FHIP1A: variants seen among roughly 807,000 people sequenced by gnomAD.
FHIP1A encodes FHF complex subunit HOOK interacting protein 1A.
FHIP1A carries 61 observed loss-of-function variants against 88.6 expected under a neutral mutation model. The observed-to-expected ratio is 0.69, with a 90% CI of 0.56 to 0.85. The LOEUF is 0.85. Ranked by LOEUF, FHIP1A falls within the 40% of genes least tolerant of loss-of-function variation. FHIP1A has a pLI of 0.00. For missense variants in FHIP1A, 1,154 were observed against 1,273.5 expected (o/e 0.91, Z 1.43); for synonymous variants, 478 against 496.0 (o/e 0.96, Z 0.48).
chr4:151,637,164 C>T (rs1005055686), intron 8 of FHIP1A, among the ~76,000 whole-genome samples: 1 of 152,006 alleles, frequency 6.6e-6, no homozygotes, highest in South Asian at 2.1e-4. Flanking sequence ...CAAAAATTAA[C>T]TCAAAATGGA....
intron 3 of FHIP1A, among the ~76,000 whole-genome samples, chr4:151,525,916 G>C (rs1315803341): frequency 1.3e-5 from 2 of 151,912 alleles, no homozygotes; most frequent in Non-Finnish European, 2.9e-5. Flanking sequence ...CTTCCGCAGT[G>C]TTTGTGTCCC....
chr4:151,488,877 C>T (rs994843114), intron 3 of FHIP1A, among the ~76,000 whole-genome samples: 5 of 152,178 alleles, frequency 3.3e-5, no homozygotes, highest in African/African-American at 1.2e-4. Flanking sequence ...ATTCTACATG[C>T]TTCCTACTTT....
intron 2 of FHIP1A, among the ~76,000 whole-genome samples, chr4:151,468,058 G>A (rs1343264186): frequency 6.6e-6 from 1 of 151,362 alleles, no homozygotes; most frequent in Non-Finnish European, 1.5e-5. Flanking sequence ...GCCGAGGAGG[G>A]CGGATCACGA....
intron 3 of FHIP1A, among the ~76,000 whole-genome samples, chr4:151,531,222 G>A (rs1413026358): frequency 6.6e-6 from 1 of 151,592 alleles, no homozygotes; most frequent in Admixed American, 6.6e-5. Context: ...CATCTGCTTG[G>A]TCATAATTAG....
At chr4:151,610,610 A>G (rs1405158640) in intron 7 of FHIP1A, among the ~76,000 whole-genome samples, 2 of 152,188 alleles carry the variant, frequency 1.3e-5, no homozygotes, top group African/African-American at 4.8e-5. Context: ...GCCATTTGCT[A>G]TACCCTGAGT....
chr4:151,492,833 C>A (rs773375455), intron 3 of FHIP1A, among the ~76,000 whole-genome samples: 1 of 152,004 alleles, frequency 6.6e-6, no homozygotes, highest in Non-Finnish European at 1.5e-5. Flanking sequence ...ACAGCAAAAG[C>A]GATGCTAAGA....
chr4:151,537,640 C>T (rs1184636907), intron 3 of FHIP1A, among the ~76,000 whole-genome samples: 1 of 152,130 alleles, frequency 6.6e-6, no homozygotes, highest in Non-Finnish European at 1.5e-5. Flanking sequence ...ACAGATTGTG[C>T]TTGTGGTGTC....
At chr4:151,610,499 T>A (rs571118446) in intron 7 of FHIP1A, among the ~76,000 whole-genome samples, 60 of 152,250 alleles carry the variant, frequency 3.9e-4, no homozygotes, top group Middle Eastern at 3.4e-3. Flanking sequence ...AACTCAGAGG[T>A]GTAGACTTGG....
rs1271205626 is a variant in FHIP1A, at chr4:151,666,669, C to T, written c.*3915C>T. 2.0e-5 allele frequency among the ~76,000 whole-genome samples: 3 copies of T among 152,108 alleles called. No individual in the cohort carries two copies. The highest frequency in any genetic ancestry group is 4.8e-5 in the African/African-American group (2 of 41,408). ...GTCTCCAAATCAGCTTGGCTGTGGCCGTCATGTGGACTGATTCCCAGGTCT... is the reference window on the plus strand; with the variant it reads ...GTCTCCAAATCAGCTTGGCTGTGGCTGTCATGTGGACTGATTCCCAGGTCT... On this transcript the variant is annotated 3_prime_UTR_variant, in exon 14 of 14. Coordinates refer to ENST00000435205, the MANE Select transcript of FHIP1A (RefSeq NM_001109977.3).
At chr4:151,512,377 C>T (rs1264198903) in intron 3 of FHIP1A, among the ~76,000 whole-genome samples, 1 of 152,208 alleles carries the variant, frequency 6.6e-6, no homozygotes, top group East Asian at 1.9e-4. Flanking sequence ...AAAGTGGAAA[C>T]TCTAAAAAGC....
chr4:151,605,903 G>C (rs1270253422), intron 7 of FHIP1A, among the ~76,000 whole-genome samples: 1 of 152,208 alleles, frequency 6.6e-6, no homozygotes, highest in African/African-American at 2.4e-5. Flanking sequence ...AACTCCGGTA[G>C]AGCCCAGTTT....
chr4:151,653,073 G>A (rs1000521220), intron 11 of FHIP1A, among the ~76,000 whole-genome samples: 1 of 152,152 alleles, frequency 6.6e-6, no homozygotes, highest in African/African-American at 2.4e-5. Flanking sequence ...TTCAGAATGC[G>A]CCAGTGCTTT....
intron 3 of FHIP1A, among the ~76,000 whole-genome samples, chr4:151,551,053 A>G (rs972038074): frequency 1.3e-5 from 2 of 152,184 alleles, no homozygotes; most frequent in Non-Finnish European, 2.9e-5. Context: ...CAGAGGGAAA[A>G]TTCTGGAGAG....
At chr4:151,575,199 C>T (rs544375473) in intron 4 of FHIP1A, among the ~76,000 whole-genome samples, 3 of 152,246 alleles carry the variant, frequency 2.0e-5, no homozygotes, top group African/African-American at 7.2e-5. Context: ...AGATAGCTCT[C>T]CTAAGTAAAC....
At chr4:151,476,161 ATTTTTT>A (rs564671344) in intron 2 of FHIP1A, among the ~76,000 whole-genome samples, 1 of 111,510 alleles carries the variant, frequency 9.0e-6, no homozygotes, top group African/African-American at 3.5e-5. Context: ...TGCTCGGCCG[ATTTTTT>A]TTTTTTTTTT....
At chr4:151,583,252 G>A (rs566331856) in intron 5 of FHIP1A, among the ~76,000 whole-genome samples, 19 of 152,268 alleles carry the variant, frequency 1.2e-4, no homozygotes, top group South Asian at 6.2e-4. Context: ...TCTTTATTCC[G>A]CAGAATATTT....
chr4:151,656,088 A>G lies in FHIP1A; in HGVS notation c.2552-144A>G, dbSNP rs977770344. The G allele has an allele frequency of 8.8e-6, 5 of 569,464 alleles. No individual in the cohort carries two copies. The highest frequency in any genetic ancestry group is 1.5e-5 in the Non-Finnish European group (5 of 338,314). 35.3% of individuals were successfully genotyped at this position (569,464 alleles called of 1,614,324 possible). A position where few individuals can be genotyped will look rare whatever the true frequency, so the allele number is the denominator to read the frequency against. ...TCCGTTTTGGTTTTGAGGCAGGAGA[A>G]AACGTGGCCATATTTGCTGTGTCTG... is the stretch of plus-strand genomic sequence containing the variant. On this transcript the variant is annotated intron_variant, in intron 11 of 13. Coordinates refer to ENST00000435205, the MANE Select transcript of FHIP1A (RefSeq NM_001109977.3). This position sits in a 1 kb window ranked among gnomAD's most constrained non-coding sequence, Gnocchi z 4.2.
intron 5 of FHIP1A, among the ~76,000 whole-genome samples, chr4:151,586,262 A>G (rs374553020): frequency 6.6e-6 from 1 of 152,210 alleles, no homozygotes; most frequent in East Asian, 1.9e-4. Context: ...GTATTGTACT[A>G]TAGGATACTG....
Position 151,650,266 on chromosome 4 carries a change from C to G in FHIP1A, c.2225C>G (p.Thr742Arg), listed in dbSNP as rs1453590172. The change falls in exon 11 of 14, where the codon ACA (threonine) becomes AGA (arginine). Residue 742 changes from threonine (T) to arginine (R), a missense_variant. By Grantham distance (71) the Thr-to-Arg change is moderately conservative. Transcript: ENST00000435205. ...APEAEHSSNL[T>R]AAHPESEELI... ...GAGGCAGAGCACAGCTCTAACCTGACAGCCGCCCACCCGGAGAGCGAGGAG... is the reference window on the plus strand; with the variant it reads ...GAGGCAGAGCACAGCTCTAACCTGAGAGCCGCCCACCCGGAGAGCGAGGAG... 3.2e-6 allele frequency: 5 copies of G among 1,551,740 alleles called. No individual in the cohort carries two copies. The South Asian group carries it at 5.9e-5, about 18-fold the overall frequency.
Sources: allele counts gnomAD v4.1 joint callset (sites outside exome capture counted in the v4.1 genomes callset), GRCh38; gene constraint gnomAD v4.1.1; non-coding constraint Gnocchi (gnomAD v3.1); transcripts MANE v1.5; gene names NCBI Gene and HGNC (gene_info 2026-07-23, HGNC 2026-07-21).